WWOX: variants seen among roughly 807,000 people sequenced by gnomAD.
The protein encoded by WWOX is WW domain-containing oxidoreductase.
A neutral mutation model predicts 46.2 loss-of-function variants in WWOX; 69 were observed. The ratio of observed to expected loss-of-function variants is 1.49; its 90% confidence interval spans 1.23 to 1.82. WWOX has a LOEUF of 1.82. Among genes scored for constraint, WWOX ranks in the 40% most tolerant of loss-of-function variants. The pLI is 0.00. For synonymous variants in WWOX, 359 were observed against 202.6 expected, an observed-to-expected ratio of 1.77 and a Z score of -6.56; for missense variants, 919 against 542.6, an observed-to-expected ratio of 1.69 and a Z score of -6.89.
At chr16:79,189,940 G>A (rs866343594) in intron 8 of WWOX, among the ~76,000 whole-genome samples, 4 of 149,486 alleles carry the variant, frequency 2.7e-5, no homozygotes, top group Admixed American at 6.7e-5. Flanking sequence ...GGGAAGGGGG[G>A]GGGGATAAAG....
chr16:79,066,627 C>T (rs2048446784), intron 8 of WWOX, among the ~76,000 whole-genome samples: 1 of 152,188 alleles, frequency 6.6e-6, no homozygotes, highest in Non-Finnish European at 1.5e-5. Context: ...CAGAACTGAA[C>T]AATAGAGCCG....
intron 8 of WWOX, among the ~76,000 whole-genome samples, chr16:78,994,741 G>T (rs2046953529): frequency 6.6e-6 from 1 of 152,012 alleles, no homozygotes; most frequent in Non-Finnish European, 1.5e-5. Context: ...GTTAATGGCA[G>T]GGAAACGAAG....
chr16:78,863,627 G>C (rs1391017416), intron 8 of WWOX, among the ~76,000 whole-genome samples: 1 of 152,136 alleles, frequency 6.6e-6, no homozygotes, highest in Non-Finnish European at 1.5e-5. Flanking sequence ...AGGCAGGCAC[G>C]AAGTCTCTTA....
rs534123306 is a variant in WWOX, at chr16:78,871,614, C to G, written c.1057-339994C>G. Among the ~76,000 whole-genome samples the G allele has an allele frequency of 7.2e-5, 11 of 152,284 alleles. No individual in the cohort carries two copies. The East Asian group carries it at 1.7e-3, about 24-fold the overall frequency. On this transcript the variant is annotated intron_variant, in intron 8 of 8. Transcript: ENST00000566780. ...TAGGAAATGCACTAGGTAACAGGCTCTAGAGAAATGGCTATTACCAGGTTG... is the reference window on the plus strand; with the variant it reads ...TAGGAAATGCACTAGGTAACAGGCTGTAGAGAAATGGCTATTACCAGGTTG...
At chr16:78,942,617 C>T (rs1419768832) in intron 8 of WWOX, among the ~76,000 whole-genome samples, 1 of 152,122 alleles carries the variant, frequency 6.6e-6, no homozygotes, top group Non-Finnish European at 1.5e-5. Flanking sequence ...TACTTCATCT[C>T]AGAAAGTTTG....
intron 8 of WWOX, among the ~76,000 whole-genome samples, chr16:78,599,755 G>A (rs185612896): frequency 4.6e-5 from 7 of 152,164 alleles, no homozygotes; most frequent in Admixed American, 1.3e-4. Flanking sequence ...TGTTACCCCC[G>A]GGAGACTGGG....
intron 8 of WWOX, among the ~76,000 whole-genome samples, chr16:79,140,551 C>G (rs780553479): frequency 1.2e-4 from 18 of 152,178 alleles, no homozygotes; most frequent in Non-Finnish European, 1.5e-5. Flanking sequence ...TTGATCTCCC[C>G]TGAACTTTGC....
intron 8 of WWOX, among the ~76,000 whole-genome samples, chr16:78,443,002 C>T (rs1444753593): frequency 1.3e-5 from 2 of 151,536 alleles, no homozygotes; most frequent in Admixed American, 6.6e-5. Context: ...GGGGCGCGGT[C>T]GTGGGTGCCT....
intron 8 of WWOX, among the ~76,000 whole-genome samples, chr16:78,665,839 C>T (rs1388970453): frequency 6.6e-6 from 1 of 152,138 alleles, no homozygotes; most frequent in African/African-American, 2.4e-5. Context: ...CATGCACCAC[C>T]ATGCCCGGCT....
intron 8 of WWOX, among the ~76,000 whole-genome samples, chr16:79,046,265 C>A (rs1319715865): frequency 1.3e-5 from 2 of 152,046 alleles, no homozygotes; most frequent in Non-Finnish European, 2.9e-5. Flanking sequence ...CCTTTTTTCC[C>A]TTGAACTGTA....
At chr16:78,824,390 T>A (rs1358285412) in intron 8 of WWOX, among the ~76,000 whole-genome samples, 1 of 152,226 alleles carries the variant, frequency 6.6e-6, no homozygotes, top group East Asian at 1.9e-4. Context: ...ACAACTCTGT[T>A]TTCCTCATTC....
intron 8 of WWOX, among the ~76,000 whole-genome samples, chr16:78,474,773 G>C (rs1170798737): frequency 6.6e-6 from 1 of 152,068 alleles, no homozygotes; most frequent in African/African-American, 2.4e-5. Context: ...CCGCTAGTCT[G>C]CTCTTCATCT....
intron 8 of WWOX, among the ~76,000 whole-genome samples, chr16:78,469,756 G>A (rs530251838): frequency 1.3e-5 from 2 of 152,242 alleles, no homozygotes; most frequent in Admixed American, 1.3e-4. Context: ...ATGTTACCAG[G>A]CATATTTTCC....
intron 8 of WWOX, among the ~76,000 whole-genome samples, chr16:78,542,991 G>T (rs1317583714): frequency 4.6e-5 from 7 of 152,170 alleles, no homozygotes; most frequent in African/African-American, 1.7e-4. Flanking sequence ...TCCTTTCATG[G>T]TCTACCTGTG....
rs549449529 is a variant in WWOX, at chr16:78,244,235, T to C, written c.516+79946T>C. Among the ~76,000 whole-genome samples the C allele has an allele frequency of 1.2e-4, 18 of 152,326 alleles. 1 individual carries two copies. The South Asian group carries it at 3.5e-3, about 30-fold the overall frequency. ...GTTAAATAAAATAATTCTCGGAGTA[T>C]GTGAAGCAGTACATGTGAAGTGCTC... is the stretch of plus-strand genomic sequence containing the variant. On this transcript the variant is annotated intron_variant, in intron 5 of 8. Coordinates refer to ENST00000566780, the MANE Select transcript of WWOX (RefSeq NM_016373.4).
At chr16:78,402,189 C>T (rs1355853378) in intron 6 of WWOX, among the ~76,000 whole-genome samples, 1 of 152,198 alleles carries the variant, frequency 6.6e-6, no homozygotes, top group Non-Finnish European at 1.5e-5. Context: ...TCTATCTCTA[C>T]CTGTTTGCCT....
intron 8 of WWOX, among the ~76,000 whole-genome samples, chr16:78,976,457 A>G (rs1179631025): frequency 6.6e-6 from 1 of 152,190 alleles, no homozygotes; most frequent in Non-Finnish European, 1.5e-5. Context: ...ATGGCACGCA[A>G]TGGTGGCAGC....
chr16:79,069,307 G>A (rs369380727), intron 8 of WWOX, among the ~76,000 whole-genome samples: 6 of 152,174 alleles, frequency 3.9e-5, no homozygotes, highest in Admixed American at 6.5e-5. Flanking sequence ...GTGTGGCTTC[G>A]CATTAATCAC....
At position 78,191,995 on chromosome 16, in the gene WWOX, C is replaced by T. The variant is rs372095820; in HGVS notation, c.516+27706C>T. 7.2e-5 allele frequency among the ~76,000 whole-genome samples: 11 copies of T among 152,014 alleles called. No homozygotes were observed. In the South Asian group the frequency reaches 2.3e-3, roughly 32 times the overall value. ...AATTATATAAAGAATGACAAAGATGCGGTTATCCATTTATTTTCTAGGCAA... is the reference window on the plus strand; with the variant it reads ...AATTATATAAAGAATGACAAAGATGTGGTTATCCATTTATTTTCTAGGCAA... On this transcript the variant is annotated intron_variant, in intron 5 of 8. Coordinates refer to ENST00000566780, the MANE Select transcript of WWOX (RefSeq NM_016373.4).
Sources: allele counts gnomAD v4.1 joint callset (sites outside exome capture counted in the v4.1 genomes callset), GRCh38; gene constraint gnomAD v4.1.1; transcripts MANE v1.5; gene names NCBI Gene and HGNC (gene_info 2026-07-23, HGNC 2026-07-21).